Variants in ANKFN1 observed in about 807,000 individuals in gnomAD.
The protein encoded by ANKFN1 is ankyrin repeat and fibronectin type III domain containing 1.
Under a neutral mutation model 108.7 loss-of-function variants are expected in ANKFN1, and 74 were observed. The observed-to-expected ratio is 0.68, with a 90% CI of 0.56 to 0.83. The LOEUF (loss-of-function observed/expected upper bound fraction) is 0.83. Among genes scored for constraint, ANKFN1 ranks in the 40% least tolerant of loss-of-function variants. The probability of loss-of-function intolerance (pLI) is 0.00; values close to 1 mark genes in which losing one functional copy is unlikely to be tolerated. For synonymous variants in ANKFN1, 547 were observed against 516.2 expected (o/e 1.06, Z -0.81); for missense variants, 1,505 against 1,382.3 (o/e 1.09, Z -1.41).
intron 20 of ANKFN1, among the ~76,000 whole-genome samples, chr17:56,507,870 A>G (rs2051619083): frequency 6.6e-6 from 1 of 152,154 alleles, no homozygotes; most frequent in Admixed American, 6.5e-5. Flanking sequence ...TATCGAAAGC[A>G]TCTTCCTCCT....
At chr17:56,458,700 T>A (rs573244707) in intron 14 of ANKFN1, among the ~76,000 whole-genome samples, 2 of 152,202 alleles carry the variant, frequency 1.3e-5, no homozygotes, top group South Asian at 4.2e-4. Flanking sequence ...GAAAAAAAAA[T>A]ATCTGCTACA....
intron 3 of ANKFN1, among the ~76,000 whole-genome samples, chr17:56,287,580 A>C (rs2044251634): frequency 6.6e-6 from 1 of 152,212 alleles, no homozygotes; most frequent in Admixed American, 6.5e-5. Flanking sequence ...TTTCTTAAAA[A>C]GATCTTGAAG....
At chr17:56,193,455 C>T (rs1317606199) in intron 1 of ANKFN1, among the ~76,000 whole-genome samples, 3 of 147,090 alleles carry the variant, frequency 2.0e-5, no homozygotes, top group South Asian at 2.1e-4. Flanking sequence ...TTATTTGTAG[C>T]GTTTTTAAAA....
chr17:56,497,610 T>C (rs960438324), intron 19 of ANKFN1, among the ~76,000 whole-genome samples: 4 of 152,144 alleles, frequency 2.6e-5, no homozygotes, highest in Non-Finnish European at 4.4e-5. Context: ...AATATAACAC[T>C]GGGTAGTGTT....
At chr17:56,508,485 CAT>C (rs2051641588) in intron 20 of ANKFN1, among the ~76,000 whole-genome samples, 1 of 152,210 alleles carries the variant, frequency 6.6e-6, no homozygotes. Context: ...TTATACAACT[CAT>C]ATAATATCAA....
At position 56,510,848 on chromosome 17, in the gene ANKFN1, A is replaced by G. The variant is rs1361437564; in HGVS notation, c.3020A>G (p.His1007Arg). 2.0e-6 allele frequency: 3 copies of G among 1,536,036 alleles called. No individual in the cohort carries two copies. The East Asian group carries it at 7.3e-5, about 38-fold the overall frequency. The part of the protein sequence containing the change: ...LGKRKPGKHP[H>R]YGGFSRHHRW... ...AAGCGGAAGCCAGGCAAGCACCCCC[A>G]CTATGGCGGCTTCAGCCGCCATCAT... The change falls in exon 21 of 21, where the codon CAC becomes CGC. Residue 1007 changes from histidine to arginine, a missense_variant. By Grantham distance (29) the His-to-Arg change is conservative. Transcript: ENST00000682825.
At chr17:56,501,612 A>C (rs2051373487) in intron 20 of ANKFN1, among the ~76,000 whole-genome samples, 1 of 152,214 alleles carries the variant, frequency 6.6e-6, no homozygotes, top group African/African-American at 2.4e-5. Flanking sequence ...AGAACTCAGG[A>C]AAGAAAACTG....
At chr17:56,067,032 A>C (rs758687210) in intron 4 of ANKFN1, among the ~76,000 whole-genome samples, 4 of 152,094 alleles carry the variant, frequency 2.6e-5, no homozygotes, top group Non-Finnish European at 4.4e-5. Flanking sequence ...CTCTACTAAA[A>C]ACACAAGAAA....
At chr17:56,051,586 A>G (rs1311586076) in intron 4 of ANKFN1, among the ~76,000 whole-genome samples, 4 of 142,964 alleles carry the variant, frequency 2.8e-5, no homozygotes, top group Non-Finnish European at 6.1e-5. Context: ...AGGCAGGAGA[A>G]GGAAATAAAG....
chr17:56,118,151 T>C (rs1421997346), intron 4 of ANKFN1, among the ~76,000 whole-genome samples: 1 of 152,130 alleles, frequency 6.6e-6, no homozygotes, highest in East Asian at 1.9e-4. Context: ...ATTTGTATTT[T>C]TTCTACTTCT....
intron 6 of ANKFN1, among the ~76,000 whole-genome samples, chr17:56,365,320 C>T (rs1275126057): frequency 6.6e-6 from 1 of 152,028 alleles, no homozygotes; most frequent in African/African-American, 2.4e-5. Flanking sequence ...GATGGAAGAA[C>T]ATAGAGTTAT....
intron 8 of ANKFN1, among the ~76,000 whole-genome samples, chr17:56,438,900 C>T (rs148572439): frequency 9.2e-5 from 14 of 152,226 alleles, no homozygotes; most frequent in African/African-American, 3.1e-4. Flanking sequence ...AGGAACATCA[C>T]ATCAAAGGGA....
intron 3 of ANKFN1, among the ~76,000 whole-genome samples, chr17:56,280,694 A>G (rs1201281502): frequency 6.6e-6 from 1 of 151,058 alleles, no homozygotes; most frequent in East Asian, 1.9e-4. Flanking sequence ...CTAATACAAA[A>G]TCACGGAGTT....
At chr17:56,420,350 A>G (rs2048361856) in intron 8 of ANKFN1, among the ~76,000 whole-genome samples, 1 of 152,220 alleles carries the variant, frequency 6.6e-6, no homozygotes, top group Non-Finnish European at 1.5e-5. Context: ...ATTATCACCT[A>G]TGAGGTCTAT....
chr17:56,481,512 G>GCA (rs987479049), intron 17 of ANKFN1, among the ~76,000 whole-genome samples: 27 of 101,100 alleles, frequency 2.7e-4, no homozygotes, highest in East Asian at 2.2e-3. Flanking sequence ...ACACACACAC[G>GCA]CACACACACA....
At chr17:56,495,186 C>A (rs1311275234) in intron 19 of ANKFN1, among the ~76,000 whole-genome samples, 1 of 152,084 alleles carries the variant, frequency 6.6e-6, no homozygotes, top group Non-Finnish European at 1.5e-5. Flanking sequence ...ACTTCTTGGT[C>A]TGGGTAAAAC....
At chr17:56,352,604 G>T (rs576813861) in intron 5 of ANKFN1, among the ~76,000 whole-genome samples, 20 of 152,240 alleles carry the variant, frequency 1.3e-4, no homozygotes, top group Admixed American at 1.0e-3. Context: ...TCCTTGGAAA[G>T]AACTTTTCAA....
intron 4 of ANKFN1, among the ~76,000 whole-genome samples, chr17:56,050,754 C>T (rs897943378): frequency 6.6e-6 from 1 of 152,092 alleles, no homozygotes; most frequent in East Asian, 1.9e-4. Flanking sequence ...TGATCTATAT[C>T]TCTGTTTTGG....
At chr17:56,475,994 T>C (rs964381894) in intron 15 of ANKFN1, among the ~76,000 whole-genome samples, 5 of 151,734 alleles carry the variant, frequency 3.3e-5, no homozygotes, top group African/African-American at 1.2e-4. Context: ...CGGCAGAAAG[T>C]GAAGGGGAAG....
Sources: gnomAD v4.1 joint callset for allele counts (sites outside exome capture counted in the v4.1 genomes callset) on GRCh38, gnomAD v4.1.1 for gene constraint, MANE v1.5 for transcripts, NCBI Gene and HGNC (gene_info 2026-07-23, HGNC 2026-07-21) for gene names.